The following TBC1D9 variants were observed in gnomAD, a reference collection of about 807,000 sequenced individuals.
The protein encoded by TBC1D9 is TBC1 domain family member 9A.
A neutral mutation model predicts 132.0 loss-of-function variants in TBC1D9; 63 were observed. That is an observed-to-expected ratio of 0.48 (90% CI 0.39 to 0.59). The LOEUF (loss-of-function observed/expected upper bound fraction) is 0.59. Ranked by LOEUF, TBC1D9 falls within the 20% of genes least tolerant of loss-of-function variation. The pLI, the probability that TBC1D9 is intolerant of heterozygous loss-of-function variation, is 0.00. For missense variants in TBC1D9, 1,261 were observed against 1,592.7 expected (o/e 0.79, Z 3.54); for synonymous variants, 610 against 609.9 (o/e 1.00, Z 0.00).
chr4:140,685,130 C>G (rs554244109), intron 3 of TBC1D9, among the ~76,000 whole-genome samples: 7 of 152,278 alleles, frequency 4.6e-5, no homozygotes, highest in Admixed American at 3.9e-4. Flanking sequence ...ACAGTAAAGA[C>G]TGGTTCAGAT....
At chr4:140,744,419 T>C (rs1560902680) in intron 1 of TBC1D9, among the ~76,000 whole-genome samples, 1 of 152,132 alleles carries the variant, frequency 6.6e-6, no homozygotes, top group East Asian at 1.9e-4. Flanking sequence ...TATACCCTTC[T>C]CCCTTTCAAA....
chr4:140,745,936 T>C (rs1462155788), intron 1 of TBC1D9, among the ~76,000 whole-genome samples: 1 of 152,204 alleles, frequency 6.6e-6, no homozygotes, highest in Non-Finnish European at 1.5e-5. Flanking sequence ...CTCATACATT[T>C]CTGGGAATTA....
At position 140,639,541 on chromosome 4, in the gene TBC1D9, T is replaced by G. The variant is rs111440822; in HGVS notation, c.2338-113A>C. On this transcript the variant is annotated intron_variant, in intron 13 of 20. Coordinates refer to ENST00000442267, the MANE Select transcript of TBC1D9 (RefSeq NM_015130.3). ...CACATCAAAGAAATGACTTCTCATA[T>G]GATGGGCATCCTACAGTACACCTTT... The G allele has an allele frequency of 5.9e-5, 43 of 731,284 alleles. No homozygotes were observed. In the African/African-American group the frequency reaches 6.2e-4, roughly 11 times the overall value. 45.3% of individuals were successfully genotyped at this position (731,284 alleles called of 1,614,324 possible).
At chr4:140,742,669 A>G (rs2111079547) in intron 1 of TBC1D9, among the ~76,000 whole-genome samples, 1 of 152,206 alleles carries the variant, frequency 6.6e-6, no homozygotes, top group South Asian at 2.1e-4. Flanking sequence ...TCACTAGTAG[A>G]GGATGTTTTC....
At position 140,749,674 on chromosome 4, in the gene TBC1D9, T is replaced by C. The variant is rs569401131; in HGVS notation, c.130+6242A>G. ...CCCGTCTCTATTTATAAAAAACAAT[T>C]AAATTACTAAACATTATAAAAAGGA... On this transcript the variant is annotated intron_variant, in intron 1 of 20. Coordinates refer to ENST00000442267, the MANE Select transcript of TBC1D9 (RefSeq NM_015130.3). 2.2e-3 allele frequency among the ~76,000 whole-genome samples: 340 copies of C among 152,128 alleles called. 2 individuals carry two copies. The highest frequency in any genetic ancestry group is 7.8e-3 in the African/African-American group (322 of 41,516).
intron 1 of TBC1D9, among the ~76,000 whole-genome samples, chr4:140,713,139 C>T (rs540254685): frequency 5.3e-5 from 8 of 152,084 alleles, no homozygotes; most frequent in African/African-American, 1.2e-4. Context: ...GGTCTCATTA[C>T]GTTGCCCAGG....
At chr4:140,737,022 G>A (rs886495550) in intron 1 of TBC1D9, among the ~76,000 whole-genome samples, 5 of 152,180 alleles carry the variant, frequency 3.3e-5, no homozygotes, top group African/African-American at 1.2e-4. Flanking sequence ...CAGCAGGGGT[G>A]GGAATGGTTT....
At position 140,626,282 on chromosome 4, in the gene TBC1D9, GC is replaced by G. The variant is rs11479197; in HGVS notation, c.2899+1158del. Reference sequence around the variant, plus strand: ...GGTCCTAATTACACCCAATATGATAGCTATCATCTCCATTCTCCACACAAGG... The same window carrying G: ...GGTCCTAATTACACCCAATATGATAGTATCATCTCCATTCTCCACACAAGG... On this transcript the variant is annotated intron_variant, in intron 18 of 20. Coordinates refer to ENST00000442267, the MANE Select transcript of TBC1D9 (RefSeq NM_015130.3). 3.4e-3 allele frequency among the ~76,000 whole-genome samples: 514 copies of G among 152,170 alleles called. 25 individuals carry two copies. The East Asian group carries it at 0.09, about 27-fold the overall frequency.
intron 3 of TBC1D9, among the ~76,000 whole-genome samples, chr4:140,681,631 T>C (rs1333065526): frequency 6.6e-6 from 1 of 152,202 alleles, no homozygotes; most frequent in African/African-American, 2.4e-5. Flanking sequence ...GGAATTACTA[T>C]ATAATAGCTT....
At chr4:140,687,341 GTCATATATATATATATATA>G (rs1737797671) in intron 2 of TBC1D9, among the ~76,000 whole-genome samples, 2 of 91,066 alleles carry the variant, frequency 2.2e-5, no homozygotes, top group East Asian at 4.1e-4. Flanking sequence ...GTGTGTGTGT[GTCATATATATATATATATA>G]TATATATATA....
Position 140,669,807 on chromosome 4 carries a change from G to C in TBC1D9, c.1267-3C>G. ...AGGCTGCTGGGTCGAGAGTACACCT[G>C]TCAATACAGAGAGGAACAAGACATT... On this transcript the variant is annotated splice_region_variant and splice_polypyrimidine_tract_variant and intron_variant, in intron 7 of 20. Transcript: ENST00000442267. 6.2e-7 allele frequency: 1 copy of C among 1,610,904 alleles called. No homozygotes were observed. The highest frequency in any genetic ancestry group is 8.5e-7 in the Non-Finnish European group (1 of 1,177,568).
rs1737287610 is a variant in TBC1D9, at chr4:140,657,201, C to CTTTA, written c.2229_2232dup (p.Asp745Ter). On this transcript the variant is annotated stop_gained and frameshift_variant, in exon 13 of 21. Coordinates refer to ENST00000442267, the MANE Select transcript of TBC1D9 (RefSeq NM_015130.3). LOFTEE classifies it high-confidence loss of function. ...TGAGGAATGGGAGGCAGTGTGCTGTCTTTATTGGTCACACTGTCTAAATAC... is the reference window on the plus strand; with the variant it reads ...TGAGGAATGGGAGGCAGTGTGCTGTCTTTATTTATTGGTCACACTGTCTAAATAC... 1 of 1,613,740 alleles carries CTTTA rather than the reference C, an allele frequency of 6.2e-7. No homozygotes were observed. The highest frequency in any genetic ancestry group is 1.3e-5 in the African/African-American group (1 of 74,900).
intron 1 of TBC1D9, among the ~76,000 whole-genome samples, chr4:140,722,096 T>C (rs572487688): frequency 6.7e-4 from 102 of 152,306 alleles, no homozygotes; most frequent in African/African-American, 2.4e-3. Context: ...AGTAGTTAAC[T>C]GAAGTTCAAT....
At chr4:140,659,089 A>G (rs1247121168) in intron 11 of TBC1D9, among the ~76,000 whole-genome samples, 1 of 152,222 alleles carries the variant, frequency 6.6e-6, no homozygotes, top group East Asian at 1.9e-4. Flanking sequence ...GAGAATTACA[A>G]GGAGTAACAG....
chr4:140,753,732 C>T (rs1294413559), intron 1 of TBC1D9, among the ~76,000 whole-genome samples: 1 of 152,170 alleles, frequency 6.6e-6, no homozygotes, highest in African/African-American at 2.4e-5. Flanking sequence ...GTGATTATTT[C>T]ATCAATACCT....
At chr4:140,721,508 T>C (rs1400026642) in intron 1 of TBC1D9, among the ~76,000 whole-genome samples, 1 of 152,154 alleles carries the variant, frequency 6.6e-6, no homozygotes, top group African/African-American at 2.4e-5. Context: ...GGAGTGTCGA[T>C]GCATCAGCTT....
chr4:140,741,840 C>A (rs1027816239), intron 1 of TBC1D9, among the ~76,000 whole-genome samples: 2 of 152,198 alleles, frequency 1.3e-5, no homozygotes, highest in Non-Finnish European at 2.9e-5. Flanking sequence ...CCCAGAAACT[C>A]CTTTCTATTG....
At chr4:140,682,724 A>C (rs1737724972) in intron 3 of TBC1D9, among the ~76,000 whole-genome samples, 3 of 152,196 alleles carry the variant, frequency 2.0e-5, no homozygotes, top group African/African-American at 7.2e-5. Context: ...GAGACCCTCA[A>C]GTGGGCTAAC....
At chr4:140,703,866 T>C (rs940397182) in intron 1 of TBC1D9, among the ~76,000 whole-genome samples, 8 of 152,236 alleles carry the variant, frequency 5.3e-5, no homozygotes, top group Non-Finnish European at 1.2e-4. Flanking sequence ...TGCATTTTTG[T>C]TTGCTTTACT....
Sources: allele counts gnomAD v4.1 joint callset (sites outside exome capture counted in the v4.1 genomes callset), GRCh38; gene constraint gnomAD v4.1.1; transcripts MANE v1.5; gene names NCBI Gene and HGNC (gene_info 2026-07-23, HGNC 2026-07-21).